Variants in HSD17B12 observed in about 807,000 individuals in gnomAD.
HSD17B12 encodes the protein very-long-chain 3-oxoacyl-CoA reductase.
In HSD17B12, 32 loss-of-function variants were observed where a neutral mutation model predicts 39.3. That is an observed-to-expected ratio of 0.81 (90% CI 0.61 to 1.09). The LOEUF (loss-of-function observed/expected upper bound fraction) is 1.09. Among genes scored for constraint, HSD17B12 ranks in the 50% least tolerant of loss-of-function variants. The pLI is 0.00. For synonymous variants in HSD17B12, 150 were observed against 146.7 expected (o/e 1.02, Z -0.16); for missense variants, 342 against 382.9 (o/e 0.89, Z 0.89).
chr11:43,793,046 T>G (rs967334668), intron 3 of HSD17B12, among the ~76,000 whole-genome samples: 1 of 152,138 alleles, frequency 6.6e-6, no homozygotes, highest in African/African-American at 2.4e-5. Context: ...AATACAAATA[T>G]GACAAATAAT....
chr11:43,742,139 ATTT>A (rs34321708), intron 1 of HSD17B12, among the ~76,000 whole-genome samples: 13 of 123,482 alleles, frequency 1.1e-4, no homozygotes, highest in African/African-American at 4.0e-4. Flanking sequence ...ATATATATAT[ATTT>A]TTTTTTTTAA....
At chr11:43,641,251 C>CT in the HSD17B12 span, among the ~76,000 whole-genome samples, 82 of 150,182 alleles carry the variant, frequency 5.5e-4, no homozygotes, top group Non-Finnish European at 7.3e-4. Context: ...AGATAGACCC[C>CT]TTTTTTTTTG....
At chr11:43,739,035 T>G (rs979414216) in intron 1 of HSD17B12, among the ~76,000 whole-genome samples, 1 of 152,188 alleles carries the variant, frequency 6.6e-6, no homozygotes, top group Non-Finnish European at 1.5e-5. Flanking sequence ...TGGACAAAAT[T>G]AGTTCCAGAG....
chr11:43,770,958 A>G (rs906562776), intron 3 of HSD17B12, among the ~76,000 whole-genome samples: 1 of 152,220 alleles, frequency 6.6e-6, no homozygotes, highest in Non-Finnish European at 1.5e-5. Context: ...CTTTTGTCAC[A>G]TAACAAATAT....
chr11:43,585,013 C>T, the HSD17B12 span, among the ~76,000 whole-genome samples: 3 of 152,196 alleles, frequency 2.0e-5, no homozygotes, highest in Non-Finnish European at 2.9e-5. Flanking sequence ...CTTCCTTCTC[C>T]ACCTCCACTT....
intron 3 of HSD17B12, among the ~76,000 whole-genome samples, chr11:43,795,351 A>T (rs1950907103): frequency 6.6e-6 from 1 of 152,150 alleles, no homozygotes; most frequent in South Asian, 2.1e-4. Flanking sequence ...TTAGCCTTCT[A>T]GACCCCTCCA....
chr11:43,633,998 C>T, the HSD17B12 span, among the ~76,000 whole-genome samples: 2 of 138,780 alleles, frequency 1.4e-5, no homozygotes, highest in South Asian at 2.4e-4. Context: ...CGCTTGAACC[C>T]GGGAGGCGGA....
the HSD17B12 span, chr11:43,579,351 A>G: frequency 6.6e-6 from 1 of 152,088 alleles, no homozygotes; most frequent in Non-Finnish European, 1.5e-5. Flanking sequence ...CCTCCCACAC[A>G]GTACAGTAAC....
the HSD17B12 span, among the ~76,000 whole-genome samples, chr11:43,669,411 G>A: frequency 6.6e-6 from 1 of 151,798 alleles, no homozygotes; most frequent in African/African-American, 2.4e-5. Context: ...TGAGGCAGGA[G>A]AATCACTTGG....
chr11:43,685,622 T>G (rs1442076205), intron 1 of HSD17B12, among the ~76,000 whole-genome samples: 1 of 152,220 alleles, frequency 6.6e-6, no homozygotes, highest in Non-Finnish European at 1.5e-5. Flanking sequence ...GAGGGTTTAG[T>G]AAATTGCTTT....
intron 3 of HSD17B12, among the ~76,000 whole-genome samples, chr11:43,772,792 A>G (rs1234883864): frequency 1.3e-5 from 2 of 152,054 alleles, no homozygotes; most frequent in African/African-American, 4.8e-5. Context: ...AGATTAACAG[A>G]TTTTCACCTG....
In HSD17B12 at chr11:43,680,891, C is replaced by T. The variant is rs373234591; in HGVS notation, c.64C>T (p.Leu22=). 1.2e-5 allele frequency: 20 copies of T among 1,614,092 alleles called. 1 individual carries two copies. In the Middle Eastern group the frequency reaches 5.0e-4, roughly 40 times the overall value. Residue 22 remains leucine, a synonymous_variant, in exon 1 of 11, where the codon CTA becomes TTA. Transcript: ENST00000278353. ...YWVGAGTVAY[L]ALRISYSLFT... ...GGTCGGCGCGGGCACCGTGGCCTACCTAGCCCTGCGTATTTCGTACTCGCT... is the reference window on the plus strand; with the variant it reads ...GGTCGGCGCGGGCACCGTGGCCTACTTAGCCCTGCGTATTTCGTACTCGCT...
rs750222441 is a variant in HSD17B12, at chr11:43,687,648, G to C, written c.160+6661G>C. ...CCTCATGAAACGAGGGCTGAGTGACGAGCCAGGAAAGCTCAGATATGAGTG... is the reference window on the plus strand; with the variant it reads ...CCTCATGAAACGAGGGCTGAGTGACCAGCCAGGAAAGCTCAGATATGAGTG... On this transcript the variant is annotated intron_variant, in intron 1 of 10. Coordinates refer to ENST00000278353, the MANE Select transcript of HSD17B12 (RefSeq NM_016142.3). Among the ~76,000 whole-genome samples, 3 of 152,196 alleles carry C rather than the reference G, an allele frequency of 2.0e-5. No homozygotes were observed. The East Asian group carries it at 5.8e-4, about 29-fold the overall frequency.
chr11:43,639,541 C>T, the HSD17B12 span, among the ~76,000 whole-genome samples: 1 of 152,060 alleles, frequency 6.6e-6, no homozygotes, highest in South Asian at 2.1e-4. Flanking sequence ...TGGGTGGAGA[C>T]AGTAGGTCCT....
At chr11:43,616,197 C>T in the HSD17B12 span, among the ~76,000 whole-genome samples, 1 of 152,080 alleles carries the variant, frequency 6.6e-6, no homozygotes, top group Non-Finnish European at 1.5e-5. Context: ...TGCCTGAACT[C>T]AGGAGTTCAA....
intron 9 of HSD17B12, 46 bp from the exon 10 acceptor site, chr11:43,854,669 T>C (rs1199634608): frequency 1.2e-6 from 2 of 1,604,656 alleles, no homozygotes; most frequent in Non-Finnish European, 1.7e-6. Context: ...GTTTGTGGCC[T>C]TACTAATCAA....
chr11:43,634,554 C>T, the HSD17B12 span, among the ~76,000 whole-genome samples: 2 of 152,304 alleles, frequency 1.3e-5, no homozygotes, highest in East Asian at 1.9e-4. Context: ...GCAAAACAAC[C>T]CCATTTTAAA....
intron 6 of HSD17B12, among the ~76,000 whole-genome samples, chr11:43,827,933 T>A (rs1951262366): frequency 1.3e-5 from 2 of 152,142 alleles, no homozygotes; most frequent in African/African-American, 4.8e-5. Context: ...GCATATAAAG[T>A]GATAACAATA....
chr11:43,578,329 G>A, the HSD17B12 span, among the ~76,000 whole-genome samples: 1 of 152,122 alleles, frequency 6.6e-6, no homozygotes, highest in African/African-American at 2.4e-5. Flanking sequence ...TGGCTTTAGT[G>A]ACCTGACCCC....
Sources: allele counts gnomAD v4.1 joint callset (sites outside exome capture counted in the v4.1 genomes callset), GRCh38; gene constraint gnomAD v4.1.1; transcripts MANE v1.5; gene names NCBI Gene and HGNC (gene_info 2026-07-23, HGNC 2026-07-21).